Variants in CDYL observed in about 807,000 individuals in gnomAD.
CDYL encodes chromodomain Y-like protein.
CDYL carries 8 observed loss-of-function variants against 47.3 expected under a neutral mutation model. The observed-to-expected ratio is 0.17, with a 90% CI of 0.10 to 0.31. The LOEUF is 0.31. CDYL is among the 10% of genes least tolerant of loss of function. CDYL has a pLI of 1.00. For synonymous variants in CDYL, 266 were observed against 265.0 expected, an observed-to-expected ratio of 1.00 and a Z score of -0.04; for missense variants, 471 against 701.4, an observed-to-expected ratio of 0.67 and a Z score of 3.71.
At chr6:4,926,316 T>A (rs573719489) in intron 2 of CDYL, among the ~76,000 whole-genome samples, 1 of 151,796 alleles carries the variant, frequency 6.6e-6, no homozygotes, top group South Asian at 2.1e-4. Context: ...GTTCAATATA[T>A]GTAAATAACA....
intron 1 of CDYL, 67 bp downstream of exon 1, chr6:4,776,874 C>T (rs1758472427): frequency 5.4e-6 from 4 of 735,076 alleles, no homozygotes; most frequent in Non-Finnish European, 6.6e-6. Flanking sequence ...GGCCGCGCCG[C>T]CCGACGGCCC....
intron 3 of CDYL, among the ~76,000 whole-genome samples, chr6:4,758,870 A>G (rs1448688684): frequency 2.0e-5 from 3 of 151,960 alleles, no homozygotes; most frequent in Non-Finnish European, 4.4e-5. Context: ...TAAAATATGT[A>G]ATATATTTAC....
At chr6:4,774,933 G>A (rs527771487), upstream of CDYL, among the ~76,000 whole-genome samples, 1 of 152,330 alleles carries the variant, frequency 6.6e-6, no homozygotes, top group African/African-American at 2.4e-5. Flanking sequence ...CGCTTAAGGG[G>A]AACGGCGATT....
At chr6:4,778,433 C>A (rs1036696585) in intron 1 of CDYL, among the ~76,000 whole-genome samples, 7 of 152,138 alleles carry the variant, frequency 4.6e-5, no homozygotes, top group African/African-American at 1.7e-4. Flanking sequence ...TCCTTCTGTG[C>A]TTATTCTATA....
At chr6:4,915,546 T>C (rs1757533595) in intron 2 of CDYL, among the ~76,000 whole-genome samples, 1 of 152,148 alleles carries the variant, frequency 6.6e-6, no homozygotes, top group Admixed American at 6.5e-5. Context: ...TAGACACAAC[T>C]GACTAGCATT....
At chr6:4,719,604 G>C (rs1238607327) in intron 2 of CDYL, among the ~76,000 whole-genome samples, 4 of 152,140 alleles carry the variant, frequency 2.6e-5, no homozygotes, top group African/African-American at 9.7e-5. Flanking sequence ...ATGACTTCCA[G>C]AGCCAAGGAA....
At chr6:4,883,082 C>T (rs570239409) in intron 1 of CDYL, among the ~76,000 whole-genome samples, 4 of 152,268 alleles carry the variant, frequency 2.6e-5, no homozygotes, top group African/African-American at 9.6e-5. Flanking sequence ...CCTCTTGCAT[C>T]TGGCCCTTGC....
At chr6:4,809,504 A>G (rs1028499452) in intron 1 of CDYL, among the ~76,000 whole-genome samples, 2 of 152,122 alleles carry the variant, frequency 1.3e-5, no homozygotes, top group Non-Finnish European at 2.9e-5. Flanking sequence ...GGGATATTAT[A>G]TTAGTCCTTG....
chr6:4,816,739 T>G (rs1487954780), intron 1 of CDYL, among the ~76,000 whole-genome samples: 3 of 152,144 alleles, frequency 2.0e-5, no homozygotes, highest in African/African-American at 7.2e-5. Context: ...TCTGTCCATC[T>G]CAGCCTCCCA....
intron 1 of CDYL, among the ~76,000 whole-genome samples, chr6:4,826,174 A>C (rs1282674424): frequency 2.0e-5 from 3 of 152,186 alleles, no homozygotes; most frequent in Non-Finnish European, 2.9e-5. Context: ...TATTTACCTT[A>C]TGAGCAGGTG....
At chr6:4,823,699 A>G (rs1378185437) in intron 1 of CDYL, among the ~76,000 whole-genome samples, 3 of 152,202 alleles carry the variant, frequency 2.0e-5, no homozygotes, top group Non-Finnish European at 4.4e-5. Context: ...AAACTTTTAA[A>G]TTCCCCCAAA....
intron 1 of CDYL, among the ~76,000 whole-genome samples, chr6:4,823,877 G>A (rs1759908056): frequency 6.6e-6 from 1 of 152,148 alleles, no homozygotes; most frequent in African/African-American, 2.4e-5. Context: ...TAACCATTAT[G>A]TAAAAACTCC....
upstream of CDYL, among the ~76,000 whole-genome samples, chr6:4,772,709 C>T (rs752408074): frequency 6.6e-6 from 1 of 152,042 alleles, no homozygotes; most frequent in African/African-American, 2.4e-5. Flanking sequence ...AAACTTAGGT[C>T]GCATCTTCAT....
chr6:4,745,557 C>A (rs1475407612), intron 3 of CDYL, among the ~76,000 whole-genome samples: 1 of 149,530 alleles, frequency 6.7e-6, no homozygotes, highest in Non-Finnish European at 1.5e-5. Context: ...GCCTGGCCAA[C>A]ATAGTGAAAC....
intron 2 of CDYL, among the ~76,000 whole-genome samples, chr6:4,897,614 G>T (rs1218638503): frequency 2.0e-5 from 3 of 152,062 alleles, no homozygotes; most frequent in Non-Finnish European, 2.9e-5. Flanking sequence ...CCCCAGGGAA[G>T]ATTAACAAAT....
chr6:4,793,875 A>G (rs1380059000), intron 1 of CDYL, among the ~76,000 whole-genome samples: 1 of 152,112 alleles, frequency 6.6e-6, no homozygotes, highest in African/African-American at 2.4e-5. Flanking sequence ...TGGACTTGCC[A>G]TTTACTGAGA....
At chr6:4,731,165 T>C (rs2127413835) in intron 2 of CDYL, among the ~76,000 whole-genome samples, 1 of 152,184 alleles carries the variant, frequency 6.6e-6, no homozygotes, top group South Asian at 2.1e-4. Context: ...GGTAATACAT[T>C]GTACGATTGT....
intron 1 of CDYL, among the ~76,000 whole-genome samples, chr6:4,798,654 T>C (rs193044817): frequency 2.6e-4 from 39 of 152,362 alleles, no homozygotes; most frequent in African/African-American, 7.9e-4. Flanking sequence ...AATTTTCTTA[T>C]TTCACATCAC....
chr6:4,920,071 A>G (rs1757668820), intron 2 of CDYL, among the ~76,000 whole-genome samples: 1 of 152,254 alleles, frequency 6.6e-6, no homozygotes, highest in Admixed American at 6.5e-5. Flanking sequence ...AACCTTGCGG[A>G]CATGGTGCTC....
Sources: gnomAD v4.1 joint callset for allele counts (sites outside exome capture counted in the v4.1 genomes callset) on GRCh38, gnomAD v4.1.1 for gene constraint, MANE v1.5 for transcripts, NCBI Gene and HGNC (gene_info 2026-07-23, HGNC 2026-07-21) for gene names.